KIF13B: variants seen among roughly 807,000 people sequenced by gnomAD.
KIF13B encodes the protein kinesin family member 13B.
Under a neutral mutation model 222.0 loss-of-function variants are expected in KIF13B, and 127 were observed. That is an observed-to-expected ratio of 0.57 (90% CI 0.50 to 0.66). The LOEUF is 0.66. Among genes scored for constraint, KIF13B ranks in the 30% least tolerant of loss-of-function variants. KIF13B has a pLI of 0.00. For missense variants in KIF13B, 2,173 were observed against 2,379.0 expected (o/e 0.91, Z 1.80); for synonymous variants, 976 against 919.0 (o/e 1.06, Z -1.12).
At chr8:29,254,832 T>C (rs1004334853) in intron 1 of KIF13B, among the ~76,000 whole-genome samples, 18 of 152,232 alleles carry the variant, frequency 1.2e-4, no homozygotes, top group African/African-American at 4.3e-4. Flanking sequence ...CACAAAAGCC[T>C]GTACATAAAT....
In KIF13B at chr8:29,165,740, C is replaced by T. The variant is rs775880608; in HGVS notation, c.1191G>A (p.Leu397=). Reference sequence around the variant, plus strand: ...CCTGGATTAGCTTCTCAGATTCTTCCAGCCGGTCCTTTAGCTCTGGAGATT... The same window carrying T: ...CCTGGATTAGCTTCTCAGATTCTTCTAGCCGGTCCTTTAGCTCTGGAGATT... ...AMKSPELKDR[L]EESEKLIQEM... The change falls in exon 12 of 40, where the codon CTG becomes CTA. Residue 397 remains leucine, a synonymous_variant. Transcript: ENST00000524189. 14 of 1,613,748 alleles carry T rather than the reference C, an allele frequency of 8.7e-6. No homozygotes were observed. The highest frequency in any genetic ancestry group is 1.2e-5 in the Non-Finnish European group (14 of 1,179,664).
intron 38 of KIF13B, among the ~76,000 whole-genome samples, chr8:29,072,822 G>C (rs1358289456): frequency 2.6e-5 from 4 of 152,180 alleles, no homozygotes; most frequent in Admixed American, 2.6e-4. Flanking sequence ...GTAGGTGCAC[G>C]CTAAAACCCT....
chr8:29,213,548 A>G (rs1814327517), intron 2 of KIF13B, among the ~76,000 whole-genome samples: 1 of 152,224 alleles, frequency 6.6e-6, no homozygotes, highest in Non-Finnish European at 1.5e-5. Context: ...GGTGCGGCCT[A>G]CTATGCACAC....
Position 29,071,697 on chromosome 8 carries a change from G to T in KIF13B, c.5141C>A (p.Thr1714Lys). ...AGGCCCCACGTATCTCACCACGCCC[G>T]TTTTGTGGGCGCCCACGGTGACGAA... ...GEFVTVGAHK[T>K]GVVRYVGPAD... Residue 1714 changes from threonine to lysine, a missense_variant, in exon 39 of 40, where the codon ACG (threonine) becomes AAG (lysine). Around this residue, in one of 2 missense-constraint regions of KIF13B, gnomAD observed 693 missense variants for 656.2 expected, o/e 1.06. Coordinates refer to ENST00000524189, the MANE Select transcript of KIF13B (RefSeq NM_015254.4). This position sits in a 1 kb window ranked among gnomAD's most constrained non-coding sequence, Gnocchi z 4.9. 1 of 1,552,234 alleles carries T rather than the reference G, an allele frequency of 6.4e-7. No homozygotes were observed. The highest frequency in any genetic ancestry group is 8.7e-7 in the Non-Finnish European group (1 of 1,147,932).
At chr8:29,158,885 T>C (rs1331115519) in intron 13 of KIF13B, among the ~76,000 whole-genome samples, 2 of 152,224 alleles carry the variant, frequency 1.3e-5, no homozygotes, top group Non-Finnish European at 2.9e-5. Context: ...TTTACGTTTT[T>C]AGTTAAGGAG....
intron 1 of KIF13B, among the ~76,000 whole-genome samples, chr8:29,255,935 G>A (rs564346445): frequency 3.9e-5 from 6 of 152,022 alleles, no homozygotes; most frequent in South Asian, 4.2e-4. Flanking sequence ...CTCTGTGACC[G>A]CCTCTGTCAC....
intron 31 of KIF13B, among the ~76,000 whole-genome samples, chr8:29,115,240 T>C (rs1211444996): frequency 6.6e-6 from 1 of 151,332 alleles, no homozygotes; most frequent in Admixed American, 6.6e-5. Context: ...TGAGAATGCC[T>C]CAAAAAAGGG....
intron 10 of KIF13B, among the ~76,000 whole-genome samples, chr8:29,170,761 G>A (rs1297427733): frequency 1.3e-5 from 2 of 152,202 alleles, no homozygotes; most frequent in East Asian, 3.8e-4. Flanking sequence ...AAAGGACCTT[G>A]TAAGTCACAC....
intron 2 of KIF13B, among the ~76,000 whole-genome samples, chr8:29,221,081 T>C (rs2130526969): frequency 6.9e-6 from 1 of 145,474 alleles, no homozygotes; most frequent in South Asian, 2.2e-4. Flanking sequence ...AAGCTGAGGC[T>C]GCAGTGAGCT....
intron 2 of KIF13B, among the ~76,000 whole-genome samples, chr8:29,239,671 G>T: frequency 6.6e-6 from 1 of 152,134 alleles, no homozygotes; most frequent in East Asian, 1.9e-4. Flanking sequence ...TTGTTTGCTT[G>T]TTTTGTTTTG....
At chr8:29,116,727 G>T in intron 31 of KIF13B, 104 bp downstream of exon 31, 1 of 1,065,792 alleles carries the variant, frequency 9.4e-7, no homozygotes, top group Non-Finnish European at 1.3e-6. Flanking sequence ...AAAGCTCAGT[G>T]CTTCCGGGAG....
At chr8:29,187,358 T>C (rs1040575541) in intron 5 of KIF13B, among the ~76,000 whole-genome samples, 4 of 152,122 alleles carry the variant, frequency 2.6e-5, no homozygotes, top group Admixed American at 2.6e-4. Flanking sequence ...TGAAACCCCT[T>C]CTCTCCTAAA....
chr8:29,138,105 T>A (rs561111908), intron 21 of KIF13B, among the ~76,000 whole-genome samples: 32 of 152,218 alleles, frequency 2.1e-4, no homozygotes, highest in Non-Finnish European at 4.0e-4. Context: ...ATCCTTGCAC[T>A]TCGAGAGGCT....
intron 2 of KIF13B, among the ~76,000 whole-genome samples, chr8:29,213,623 T>G (rs2124419): frequency 0.046 from 6,936 of 152,166 alleles, 334 homozygotes; most frequent in African/African-American, 0.12. Context: ...TGGAGGCAAC[T>G]GTAACACAAT....
At chr8:29,221,328 G>A (rs978001099) in intron 2 of KIF13B, among the ~76,000 whole-genome samples, 1 of 151,542 alleles carries the variant, frequency 6.6e-6, no homozygotes, top group Non-Finnish European at 1.5e-5. Flanking sequence ...GTCTCGAACT[G>A]CTGACCTCAA....
chr8:29,233,465 C>T (rs75486564), intron 2 of KIF13B, among the ~76,000 whole-genome samples: 3 of 152,174 alleles, frequency 2.0e-5, no homozygotes, highest in Non-Finnish European at 4.4e-5. Context: ...TACACATTTA[C>T]GTGACATTGC....
At chr8:29,199,576 A>T (rs1205745408) in intron 2 of KIF13B, among the ~76,000 whole-genome samples, 1 of 7,604 alleles carries the variant, frequency 1.3e-4, no homozygotes, top group African/African-American at 3.2e-4. Context: ...CCAAAATCCA[A>T]AAAAAAAAAA....
At position 29,222,515 on chromosome 8, in the gene KIF13B, C is replaced by CTTTTTTTTTT. The variant is rs58488862; in HGVS notation, c.149+22821_149+22830dup. Among the ~76,000 whole-genome samples, 36 of 60,588 alleles carry CTTTTTTTTTT rather than the reference C, an allele frequency of 5.9e-4. 5 individuals are homozygous for CTTTTTTTTTT. The East Asian group carries it at 7.4e-3, about 12-fold the overall frequency. 39.7% of individuals were successfully genotyped at this position (60,588 alleles called of 152,430 possible). ...TCCTGAGCTCAAGTCCCACACCTGA[C>CTTTTTTTTTT]TTTTTTTTTTTTTTTTTTTTTTTTT... is the stretch of plus-strand genomic sequence containing the variant. On this transcript the variant is annotated intron_variant, in intron 2 of 39. Coordinates refer to ENST00000524189, the MANE Select transcript of KIF13B (RefSeq NM_015254.4).
Position 29,186,454 on chromosome 8 carries a change from G to T in KIF13B, c.335C>A (p.Thr112Asn). The change falls in exon 6 of 40, where the codon ACC becomes AAC. Residue 112 changes from threonine (T) to asparagine (N), a missense_variant. Coordinates refer to ENST00000524189, the MANE Select transcript of KIF13B (RefSeq NM_015254.4). ...YGQTGSGKSY[T>N]MMGTADQPGL... ...AGGTTGGTCAGCTGTGCCCATCATG[G>T]TATAAGATTTTCCAGAGCCTAAAAA... The T allele has an allele frequency of 6.2e-7, 1 of 1,604,918 alleles. No homozygotes were observed.
Sources: gnomAD v4.1 joint callset for allele counts (sites outside exome capture counted in the v4.1 genomes callset) on GRCh38, gnomAD v4.1.1 for gene constraint, gnomAD v4.1.1 regional missense constraint, Gnocchi (gnomAD v3.1) non-coding constraint, MANE v1.5 for transcripts, NCBI Gene and HGNC (gene_info 2026-07-23, HGNC 2026-07-21) for gene names.